ARHGEF28: variants seen among roughly 807,000 people sequenced by gnomAD.
ARHGEF28 encodes Rho guanine nucleotide exchange factor 28, also known as 190 kDa guanine nucleotide exchange factor.
In ARHGEF28, 152 loss-of-function variants were observed where a neutral mutation model predicts 206.6. The observed-to-expected ratio is 0.74, with a 90% confidence interval of 0.64 to 0.84. The LOEUF (loss-of-function observed/expected upper bound fraction) is 0.84. ARHGEF28 is among the 40% of genes least tolerant of loss of function. The probability of loss-of-function intolerance (pLI) is 0.00; values close to 1 mark genes in which losing one functional copy is unlikely to be tolerated. For synonymous variants in ARHGEF28, 763 were observed against 776.4 expected, an observed-to-expected ratio of 0.98 and a Z score of 0.29; for missense variants, 2,028 against 2,073.2, an observed-to-expected ratio of 0.98 and a Z score of 0.42.
chr5:73,840,777 T>C lies in ARHGEF28; in HGVS notation c.1427+17T>C, dbSNP rs779099495. ...GAAAAGAAGGTAAGAGTCTATATTG[T>C]AGAGGAAAACTGTAGAACATCAAAG... On this transcript the variant is annotated intron_variant, in intron 11 of 35. Transcript: ENST00000513042. 3 of 1,594,790 alleles carry C rather than the reference T, an allele frequency of 1.9e-6. 1 individual carries two copies. Among genetic ancestry groups the C allele is most frequent in the East Asian group, 2.2e-5 (1 of 44,584 alleles).
chr5:73,648,832 C>T (rs1054093117), intron 1 of ARHGEF28, among the ~76,000 whole-genome samples: 2 of 152,198 alleles, frequency 1.3e-5, no homozygotes, highest in African/African-American at 2.4e-5. Flanking sequence ...CATCCTGTCT[C>T]TCATTCTCCC....
chr5:73,723,394 G>A (rs1226276717), intron 2 of ARHGEF28, among the ~76,000 whole-genome samples: 1 of 152,090 alleles, frequency 6.6e-6, no homozygotes, highest in African/African-American at 2.4e-5. Flanking sequence ...CACCATGTTG[G>A]CCAGGTTGGT....
At chr5:73,696,957 G>A (rs1208440122) in intron 2 of ARHGEF28, among the ~76,000 whole-genome samples, 2 of 152,312 alleles carry the variant, frequency 1.3e-5, no homozygotes, top group Non-Finnish European at 2.9e-5. Flanking sequence ...CCAGCTGCAC[G>A]AAGAGATAGA....
At chr5:73,662,706 A>C (rs1745690018) in intron 1 of ARHGEF28, among the ~76,000 whole-genome samples, 1 of 152,202 alleles carries the variant, frequency 6.6e-6, no homozygotes, top group Non-Finnish European at 1.5e-5. Flanking sequence ...TGTAAGCTAA[A>C]GTATTCAGGA....
chr5:73,899,741 C>A (rs1323888566), intron 30 of ARHGEF28: 6 of 152,206 alleles, frequency 3.9e-5, no homozygotes, highest in Admixed American at 3.9e-4. Flanking sequence ...AGGTTATAAG[C>A]CAAGCAGACA....
chr5:73,928,381 A>G (rs1162055908), intron 35 of ARHGEF28, among the ~76,000 whole-genome samples: 2 of 152,186 alleles, frequency 1.3e-5, no homozygotes, highest in Non-Finnish European at 2.9e-5. Context: ...GCGCCACTGC[A>G]CTCCAGCCTG....
chr5:73,664,493 A>G (rs758576350), intron 1 of ARHGEF28, among the ~76,000 whole-genome samples: 1 of 152,184 alleles, frequency 6.6e-6, no homozygotes, highest in South Asian at 2.1e-4. Flanking sequence ...CACTTTCCTT[A>G]TATGTAAAAT....
rs1175043668 is a variant in ARHGEF28, at chr5:73,941,005, T to A, written c.5110T>A (p.Tyr1704Asn). The A allele has an allele frequency of 1.9e-5, 28 of 1,508,588 alleles. No individual in the cohort carries two copies. Among genetic ancestry groups the A allele is most frequent in the Non-Finnish European group, 2.5e-5 (28 of 1,137,918 alleles). 93.5% of individuals were successfully genotyped at this position (1,508,588 alleles called of 1,614,324 possible). The change falls in exon 36 of 36, where the codon TAC (tyrosine) becomes AAC (asparagine). Residue 1704 changes from tyrosine to asparagine, a missense_variant. This residue lies in a region of ARHGEF28 where 803 missense variants were observed against 768.0 expected (regional missense o/e 1.05). Coordinates refer to ENST00000513042, the MANE Select transcript of ARHGEF28 (RefSeq NM_001177693.2). The part of the protein sequence containing the change: ...TGDGAKENIV[Y>N]L ...AGATGGAGCCAAAGAAAATATTGTT[T>A]ACCTCTAATTGTGTTGTCATTTTTC...
chr5:73,828,468 G>C (rs1295678636), intron 9 of ARHGEF28, among the ~76,000 whole-genome samples: 1 of 151,920 alleles, frequency 6.6e-6, no homozygotes, highest in Non-Finnish European at 1.5e-5. Context: ...AAGTAGAGAG[G>C]AGATTATGCT....
chr5:73,809,241 C>A (rs1755696007), intron 9 of ARHGEF28, among the ~76,000 whole-genome samples: 1 of 150,822 alleles, frequency 6.6e-6, no homozygotes, highest in South Asian at 2.1e-4. Context: ...GTTTCAGTGT[C>A]TATAACAGAA....
intron 35 of ARHGEF28, among the ~76,000 whole-genome samples, chr5:73,936,973 A>G (rs984667551): frequency 6.6e-6 from 1 of 152,206 alleles, no homozygotes; most frequent in Admixed American, 6.5e-5. Flanking sequence ...GAATGATGAT[A>G]ATGGTGAGCC....
At chr5:73,915,617 A>G (rs1763166728) in intron 35 of ARHGEF28, among the ~76,000 whole-genome samples, 1 of 152,204 alleles carries the variant, frequency 6.6e-6, no homozygotes, top group Admixed American at 6.5e-5. Flanking sequence ...GCTCAACAGC[A>G]TTACTCTGAA....
chr5:73,861,228 G>A (rs1759380586), intron 16 of ARHGEF28, among the ~76,000 whole-genome samples: 1 of 152,170 alleles, frequency 6.6e-6, no homozygotes, highest in Non-Finnish European at 1.5e-5. Flanking sequence ...CACTGAAAGG[G>A]AAACTTTTGT....
intron 12 of ARHGEF28, among the ~76,000 whole-genome samples, chr5:73,846,980 T>C (rs1331842315): frequency 6.6e-6 from 1 of 152,232 alleles, no homozygotes; most frequent in Non-Finnish European, 1.5e-5. Context: ...CCAGGTTTTA[T>C]CTTGTTGGCT....
rs908621779 is a variant in ARHGEF28 at position 73,657,059 on chromosome 5, G to A, written c.-11-27782G>A. 3.3e-5 allele frequency among the ~76,000 whole-genome samples: 5 copies of A among 151,578 alleles called. No individual in the cohort carries two copies. In the East Asian group the frequency reaches 9.8e-4, roughly 30 times the overall value. On this transcript the variant is annotated intron_variant, in intron 1 of 35. Coordinates refer to ENST00000513042, the MANE Select transcript of ARHGEF28 (RefSeq NM_001177693.2). ...ATGGTGGCGGGCACGTGTAGTCCCAGCTACTTGGGAGTCTGAGGCAGGAGA... is the reference window on the plus strand; with the variant it reads ...ATGGTGGCGGGCACGTGTAGTCCCAACTACTTGGGAGTCTGAGGCAGGAGA...
Position 73,915,162 on chromosome 5 carries a change from C to T in ARHGEF28, c.4948+3587C>T, listed in dbSNP as rs546101239. On this transcript the variant is annotated intron_variant, in intron 35 of 35. Transcript: ENST00000513042. ...TGTTTTTATTGGTTTTTTTTTCTCC[C>T]CTCCTTCCCTTTTTAATAGTAACAT... Among the ~76,000 whole-genome samples the T allele has an allele frequency of 2.6e-4, 39 of 151,702 alleles. 1 individual carries two copies. Among genetic ancestry groups the T allele is most frequent in the African/African-American group, 7.7e-4 (32 of 41,416 alleles).
At chr5:73,847,617 G>A (rs1404822608) in intron 12 of ARHGEF28, among the ~76,000 whole-genome samples, 2 of 152,148 alleles carry the variant, frequency 1.3e-5, no homozygotes, top group Non-Finnish European at 2.9e-5. Flanking sequence ...ATCATTACTT[G>A]GATGAAAAAT....
chr5:73,876,417 TCTC>T (rs1201507359), intron 22 of ARHGEF28, among the ~76,000 whole-genome samples: 1 of 113,984 alleles, frequency 8.8e-6, no homozygotes, highest in Admixed American at 9.1e-5. Flanking sequence ...TTTATTTCCT[TCTC>T]CTGCCTAATT....
At chr5:73,940,593 C>T (rs758082155) in intron 35 of ARHGEF28, among the ~76,000 whole-genome samples, 14 of 152,222 alleles carry the variant, frequency 9.2e-5, no homozygotes, top group South Asian at 2.1e-4. Flanking sequence ...GCAATAGCAG[C>T]GGTTTAAGAT....
Sources: gnomAD v4.1 joint callset for allele counts (sites outside exome capture counted in the v4.1 genomes callset) on GRCh38, gnomAD v4.1.1 for gene constraint, gnomAD v4.1.1 regional missense constraint, MANE v1.5 for transcripts, NCBI Gene and HGNC (gene_info 2026-07-23, HGNC 2026-07-21) for gene names.